Variants in DMD observed in about 807,000 individuals in gnomAD.
DMD encodes dystrophin.
A neutral mutation model predicts 330.1 loss-of-function variants in DMD; 63 were observed. That is an observed-to-expected ratio of 0.19 (90% CI 0.16 to 0.24). DMD has a LOEUF of 0.24. Among genes scored for constraint, DMD ranks in the 10% least tolerant of loss-of-function variants. DMD has a pLI of 1.00. For missense variants in DMD, 3,344 were observed against 2,684.1 expected (o/e 1.25, Z -5.43); for synonymous variants, 1,223 against 959.8 (o/e 1.27, Z -5.07).
intron 41 of DMD, among the ~76,000 whole-genome samples, chrX:32,333,685 T>G (rs1425553030): frequency 9.0e-6 from 1 of 111,506 alleles, no homozygotes; most frequent in Non-Finnish European, 1.9e-5. Flanking sequence ...AGATAATGCC[T>G]CTTCTCCATT....
chrX:31,522,325 TTCTCTCTCTC>T (rs1193302041), intron 55 of DMD, among the ~76,000 whole-genome samples: 68 of 51,329 alleles, frequency 1.3e-3, no homozygotes, highest in Non-Finnish European at 1.7e-3. Context: ...AGATCAAAAT[TTCTCTCTCTC>T]TCTCTCTCTC....
chrX:33,209,172 T>C (rs1009966234), intron 1 of DMD, among the ~76,000 whole-genome samples: 9 of 111,469 alleles, frequency 8.1e-5, no homozygotes, highest in Non-Finnish European at 1.7e-4. Flanking sequence ...TTTGTAGTCT[T>C]TTTTTAAAGT....
chrX:31,769,097 A>C lies in DMD; in HGVS notation c.7542+4863T>G, dbSNP rs770127326. ...AAAGGGGACCATAAGCTTTTCACCAAATATGTTTTCTGAGTTCAAAGTCTA... is the reference window on the plus strand; with the variant it reads ...AAAGGGGACCATAAGCTTTTCACCACATATGTTTTCTGAGTTCAAAGTCTA... On this transcript the variant is annotated intron_variant, in intron 51 of 78. Coordinates refer to ENST00000357033, the MANE Select transcript of DMD (RefSeq NM_004006.3). Among the ~76,000 whole-genome samples, 20 of 112,174 alleles carry C rather than the reference A, an allele frequency of 1.8e-4. No homozygotes were observed. The Admixed American group carries it at 1.8e-3, about 10-fold the overall frequency.
intron 2 of DMD, among the ~76,000 whole-genome samples, chrX:32,878,082 A>G (rs1420003339): frequency 8.0e-5 from 9 of 112,505 alleles, no homozygotes; most frequent in Non-Finnish European, 1.7e-4. Context: ...CTATTTGAAA[A>G]TACTAGGAAT....
At chrX:31,551,408 C>T (rs1038426603) in intron 55 of DMD, among the ~76,000 whole-genome samples, 3 of 110,454 alleles carry the variant, frequency 2.7e-5, no homozygotes, top group East Asian at 2.9e-4. Context: ...CATCTACCAC[C>T]CCAAAGCTAA....
intron 1 of DMD, among the ~76,000 whole-genome samples, chrX:33,250,428 T>C (rs2052754240): frequency 9.1e-6 from 1 of 110,408 alleles, no homozygotes; most frequent in Non-Finnish European, 1.9e-5. Context: ...CAGGCAGTAA[T>C]GTTTGCTCAC....
At chrX:33,125,680 G>A (rs2095459245) in intron 1 of DMD, among the ~76,000 whole-genome samples, 1 of 111,393 alleles carries the variant, frequency 9.0e-6, no homozygotes, top group African/African-American at 3.3e-5. Context: ...TTTTTACGAA[G>A]CATTATAATT....
chrX:32,491,572 A>G, intron 19 of DMD, 54 bp from the exon 20 acceptor site: 15 of 1,122,545 alleles, frequency 1.3e-5, no homozygotes, highest in Non-Finnish European at 1.8e-5. Context: ...ACTGAAAGAA[A>G]TGATCTGAAA....
rs751418143 is a variant in DMD at position 32,877,069 on chromosome X, A to C, written c.94-27249T>G. ...CAGTGGATAACAGTGTTATTTCATA[A>C]TCACAGCTTCCCTTTTCCCTCTAGC... On this transcript the variant is annotated intron_variant, in intron 2 of 78. Transcript: ENST00000357033. Among the ~76,000 whole-genome samples, 4 of 112,571 alleles carry C rather than the reference A, an allele frequency of 3.6e-5. No individual in the cohort carries two copies. In the East Asian group the frequency reaches 1.1e-3, roughly 32 times the overall value.
At chrX:31,756,783 T>C (rs995948934) in intron 51 of DMD, among the ~76,000 whole-genome samples, 4 of 112,559 alleles carry the variant, frequency 3.6e-5, no homozygotes, top group African/African-American at 1.3e-4. Context: ...TGAAGGCAAT[T>C]TGGTCAAAGC....
At chrX:32,654,546 G>C (rs185870373) in intron 9 of DMD, among the ~76,000 whole-genome samples, 40 of 111,749 alleles carry the variant, frequency 3.6e-4, no homozygotes, top group Admixed American at 3.1e-3. Context: ...GCTGGATTCG[G>C]ATTGCCAGTA....
chrX:31,278,020 A>AG (rs2052302141), intron 62 of DMD, among the ~76,000 whole-genome samples: 1 of 25,600 alleles, frequency 3.9e-5, no homozygotes, highest in Admixed American at 4.1e-4. Context: ...GAAATTAAAA[A>AG]AAAAAAAAAA....
At chrX:32,802,771 C>T (rs888785191) in intron 7 of DMD, among the ~76,000 whole-genome samples, 3 of 111,744 alleles carry the variant, frequency 2.7e-5, no homozygotes, top group African/African-American at 6.5e-5. Flanking sequence ...TGATGGATTA[C>T]GTTTGTTGGT....
intron 19 of DMD, 77 bp from the exon 20 acceptor site, chrX:32,491,595 T>C: frequency 1.0e-6 from 1 of 998,779 alleles, no homozygotes; most frequent in Non-Finnish European, 1.4e-6. Flanking sequence ...CAACACATCC[T>C]AATTATAAAA....
chrX:31,946,796 T>A (rs749463793), intron 45 of DMD, among the ~76,000 whole-genome samples: 2 of 100,644 alleles, frequency 2.0e-5, no homozygotes, highest in African/African-American at 3.7e-5. Flanking sequence ...CTGAAGGGAG[T>A]TTTTTTTTTT....
intron 34 of DMD, among the ~76,000 whole-genome samples, chrX:32,375,337 G>A (rs765705806): frequency 8.9e-6 from 1 of 112,345 alleles, no homozygotes; most frequent in Non-Finnish European, 1.9e-5. Flanking sequence ...TGCTCAATCA[G>A]CAGGAGAATC....
At chrX:32,864,747 A>T (rs1221365097) in intron 2 of DMD, among the ~76,000 whole-genome samples, 3 of 112,268 alleles carry the variant, frequency 2.7e-5, no homozygotes, top group African/African-American at 9.7e-5. Flanking sequence ...AATTGTTCGA[A>T]TGTATAATTC....
chrX:32,236,321 A>G (rs2097187574), intron 43 of DMD, among the ~76,000 whole-genome samples: 1 of 112,497 alleles, frequency 8.9e-6, no homozygotes. Flanking sequence ...TCCTCAGTTT[A>G]ACTAGATTAT....
chrX:33,082,872 T>C (rs1023278955), intron 1 of DMD, among the ~76,000 whole-genome samples: 1 of 112,335 alleles, frequency 8.9e-6, no homozygotes, highest in Non-Finnish European at 1.9e-5. Flanking sequence ...ATGGGTGTCC[T>C]AACCCACGTT....
Sources: gnomAD v4.1 joint callset for allele counts (sites outside exome capture counted in the v4.1 genomes callset) on GRCh38, gnomAD v4.1.1 for gene constraint, MANE v1.5 for transcripts, NCBI Gene and HGNC (gene_info 2026-07-23, HGNC 2026-07-21) for gene names.